IGFBP2: variants seen among roughly 807,000 people sequenced by gnomAD.
IGFBP2 encodes the protein insulin-like growth factor-binding protein 2.
Under a neutral mutation model 26.2 loss-of-function variants are expected in IGFBP2, and 12 were observed. That is an observed-to-expected ratio of 0.46 (90% CI 0.29 to 0.74). The LOEUF (loss-of-function observed/expected upper bound fraction) is 0.74. IGFBP2 is among the 30% of genes least tolerant of loss of function. The pLI, the probability that IGFBP2 is intolerant of heterozygous loss-of-function variation, is 0.09. For synonymous variants in IGFBP2, 189 were observed against 200.6 expected, an observed-to-expected ratio of 0.94 and a Z score of 0.49; for missense variants, 328 against 441.2, an observed-to-expected ratio of 0.74 and a Z score of 2.30.
At chr2:216,644,849 G>A in intron 1 of IGFBP2, among the ~76,000 whole-genome samples, 1 of 152,206 alleles carries the variant, frequency 6.6e-6, no homozygotes, top group East Asian at 1.9e-4. Context: ...GCCAAGGCAA[G>A]CACAGACCAG....
chr2:216,661,213 C>G (rs1226108222), intron 2 of IGFBP2: 1 of 271,706 alleles, frequency 3.7e-6, no homozygotes, highest in Non-Finnish European at 7.1e-6. Context: ...AGTGATCCTC[C>G]TTCCTCAGCC....
chr2:216,635,867 G>C (rs184697752), intron 1 of IGFBP2, among the ~76,000 whole-genome samples: 5 of 152,238 alleles, frequency 3.3e-5, no homozygotes, highest in Admixed American at 2.6e-4. Flanking sequence ...GCTTGCCCCA[G>C]CTGCGTTCTC....
chr2:216,639,133 C>T (rs960025646), intron 1 of IGFBP2, among the ~76,000 whole-genome samples: 4 of 151,152 alleles, frequency 2.6e-5, no homozygotes, highest in African/African-American at 9.7e-5. Flanking sequence ...CCTGGGTTCA[C>T]GCCATTGTCC....
At chr2:216,657,846 G>A (rs757192616) in intron 1 of IGFBP2, among the ~76,000 whole-genome samples, 2 of 152,142 alleles carry the variant, frequency 1.3e-5, no homozygotes, top group African/African-American at 2.4e-5. Flanking sequence ...GCCCCTGTGG[G>A]AATAACCATT....
At chr2:216,655,905 A>G (rs918211857) in intron 1 of IGFBP2, among the ~76,000 whole-genome samples, 19 of 152,028 alleles carry the variant, frequency 1.2e-4, no homozygotes, top group African/African-American at 4.6e-4. Flanking sequence ...AAAAAAACAA[A>G]AAAAAAAAAT....
rs371560018 is a variant in IGFBP2 at position 216,634,906 on chromosome 2, T to TTTTTTTTTTTTTTTTTTTTTA, written c.442+941_442+942insTTTTTTTTTTTTTTTTTTTTA. Among the ~76,000 whole-genome samples, 5 of 128,520 alleles carry TTTTTTTTTTTTTTTTTTTTTA rather than the reference T, an allele frequency of 3.9e-5. 2 individuals carry two copies. The highest frequency in any genetic ancestry group is 1.7e-4 in the Admixed American group (2 of 12,072). The allele number at this position is 128,520 out of a possible 152,430, so 84.3% of individuals were successfully genotyped here. A position where few individuals can be genotyped will look rare whatever the true frequency, so the allele number is the denominator to read the frequency against. ...TAAGGAGGTTACTTTTTTTTTTTTT[T>TTTTTTTTTTTTTTTTTTTTTA]AATTACGAAAGCCTCCTGCCCCAGT... is the stretch of plus-strand genomic sequence containing the variant. On this transcript the variant is annotated intron_variant, in intron 1 of 3. Transcript: ENST00000233809.
intron 1 of IGFBP2, among the ~76,000 whole-genome samples, chr2:216,647,780 A>G (rs1050531967): frequency 1.3e-5 from 2 of 152,112 alleles, no homozygotes; most frequent in African/African-American, 4.8e-5. Flanking sequence ...TTGGCCTCCC[A>G]AAGTGCTGGG....
intron 1 of IGFBP2, among the ~76,000 whole-genome samples, chr2:216,637,479 GTCT>G (rs752287523): frequency 3.9e-5 from 6 of 152,162 alleles, no homozygotes; most frequent in Non-Finnish European, 8.8e-5. Context: ...CAGAATCCGG[GTCT>G]TCTTTGTTTG....
At chr2:216,648,690 C>A (rs1697761846) in intron 1 of IGFBP2, among the ~76,000 whole-genome samples, 1 of 152,104 alleles carries the variant, frequency 6.6e-6, no homozygotes, top group Admixed American at 6.5e-5. Flanking sequence ...CTCACTGCAA[C>A]CTTCGCCTCC....
chr2:216,634,983 A>G (rs1221191180), intron 1 of IGFBP2, among the ~76,000 whole-genome samples: 2 of 149,634 alleles, frequency 1.3e-5, no homozygotes, highest in African/African-American at 4.9e-5. Flanking sequence ...CAGTGGTGAA[A>G]TGTGTCCACT....
Position 216,633,946 on chromosome 2 carries a change from C to T in IGFBP2, c.423C>T (p.Ala141=), listed in dbSNP as rs765157539. The change falls in exon 1 of 4, where the codon GCC becomes GCT. Residue 141 remains alanine (A), a synonymous_variant. Coordinates refer to ENST00000233809, the MANE Select transcript of IGFBP2 (RefSeq NM_000597.3). ...CEKRRDAEYG[A]SPEQVADNGD... ...AGCGCCGGGACGCCGAGTATGGCGC[C>T]AGCCCGGAGCAGGTTGCAGGTAACG... 2.5e-6 allele frequency: 4 copies of T among 1,602,038 alleles called. No individual in the cohort carries two copies. The African/African-American group carries it at 5.4e-5, about 21-fold the overall frequency.
chr2:216,652,758 G>A (rs1462070044), intron 1 of IGFBP2, among the ~76,000 whole-genome samples: 2 of 152,214 alleles, frequency 1.3e-5, no homozygotes, highest in African/African-American at 2.4e-5. Flanking sequence ...AACAAAGACG[G>A]AGCCATGTGA....
chr2:216,647,979 A>G (rs990152696), intron 1 of IGFBP2, among the ~76,000 whole-genome samples: 3 of 152,168 alleles, frequency 2.0e-5, no homozygotes, highest in African/African-American at 7.2e-5. Context: ...ACCTTTGGAC[A>G]CTTGGAGGCC....
At chr2:216,652,245 C>T (rs915627892) in intron 1 of IGFBP2, among the ~76,000 whole-genome samples, 1 of 149,616 alleles carries the variant, frequency 6.7e-6, no homozygotes, top group African/African-American at 2.5e-5. Context: ...GCGATCTTGG[C>T]TCACTGCAAC....
At chr2:216,652,466 G>A (rs780710715) in intron 1 of IGFBP2, among the ~76,000 whole-genome samples, 8 of 152,204 alleles carry the variant, frequency 5.3e-5, no homozygotes, top group East Asian at 1.9e-4. Flanking sequence ...GTGAGCCACC[G>A]CGCCCCGCCC....
At chr2:216,656,988 G>A (rs530755803) in intron 1 of IGFBP2, among the ~76,000 whole-genome samples, 2 of 152,268 alleles carry the variant, frequency 1.3e-5, no homozygotes, top group South Asian at 2.1e-4. Context: ...CGGTAAGCAG[G>A]GTGATGCCAA....
Position 216,633,484 on chromosome 2 carries a change from T to C in IGFBP2, c.-40T>C, listed in dbSNP as rs1310220815. On this transcript the variant is annotated 5_prime_UTR_variant, in exon 1 of 4. Coordinates refer to ENST00000233809, the MANE Select transcript of IGFBP2 (RefSeq NM_000597.3). ...CCGTGCCACCTGCCCGCCCGCCCGC[T>C]CGCTCGCTCGCCCGCCGCGCCGCGC... is the stretch of plus-strand genomic sequence containing the variant. 7 of 514,132 alleles carry C rather than the reference T, an allele frequency of 1.4e-5. No individual in the cohort carries two copies. Among genetic ancestry groups the C allele is most frequent in the South Asian group, 7.8e-5 (1 of 12,744 alleles). 31.8% of individuals were successfully genotyped at this position (514,132 alleles called of 1,614,324 possible).
intron 1 of IGFBP2, among the ~76,000 whole-genome samples, chr2:216,651,874 G>C (rs1697831882): frequency 6.6e-6 from 1 of 152,154 alleles, no homozygotes; most frequent in Admixed American, 6.5e-5. Context: ...CGATTCTTGT[G>C]CCTCAGCCTC....
intron 1 of IGFBP2, among the ~76,000 whole-genome samples, chr2:216,645,738 G>A (rs1697699100): frequency 6.6e-6 from 1 of 152,202 alleles, no homozygotes; most frequent in Non-Finnish European, 1.5e-5. Context: ...TCCCTTGAGT[G>A]TGGCTTACCT....
Sources: allele counts gnomAD v4.1 joint callset (sites outside exome capture counted in the v4.1 genomes callset), GRCh38; gene constraint gnomAD v4.1.1; transcripts MANE v1.5; gene names NCBI Gene and HGNC (gene_info 2026-07-23, HGNC 2026-07-21).